SECISBP2: variants seen among roughly 807,000 people sequenced by gnomAD.
SECISBP2 encodes SECIS binding protein 2, also known as selenocysteine insertion sequence-binding protein 2.
A neutral mutation model predicts 98.2 loss-of-function variants in SECISBP2; 96 were observed. The ratio of observed to expected loss-of-function variants is 0.98; its 90% CI spans 0.83 to 1.16. The LOEUF is 1.16. SECISBP2 is among the 50% of genes most tolerant of loss of function. The pLI, the probability that SECISBP2 is intolerant of heterozygous loss-of-function variation, is 0.00. For synonymous variants in SECISBP2, 407 were observed against 370.2 expected, an observed-to-expected ratio of 1.10 and a Z score of -1.14; for missense variants, 1,046 against 1,022.9, an observed-to-expected ratio of 1.02 and a Z score of -0.31.
rs1372149193 is a variant in SECISBP2 at position 89,326,011 on chromosome 9, A to G, written c.547A>G (p.Ile183Val). 1 of 1,613,698 alleles carries G rather than the reference A, an allele frequency of 6.2e-7. No individual in the cohort carries two copies. Among genetic ancestry groups the G allele is most frequent in the African/African-American group, 1.3e-5 (1 of 75,064 alleles). The change falls in exon 4 of 17, where the codon ATT becomes GTT. Residue 183 changes from isoleucine to valine, a missense_variant. By Grantham distance (29) the Ile-to-Val change is conservative (BLOSUM62 3). Coordinates refer to ENST00000375807, the MANE Select transcript of SECISBP2 (RefSeq NM_024077.5). ...KSARGSHHLS[I>V]YAENSLKSDG... ...AGCTAGAGGTTCACATCATTTGTCCATTTACGCTGAGAATAGTTTGAAATC... is the reference window on the plus strand; with the variant it reads ...AGCTAGAGGTTCACATCATTTGTCCGTTTACGCTGAGAATAGTTTGAAATC...
intron 9 of SECISBP2, among the ~76,000 whole-genome samples, chr9:89,340,269 A>C (rs1317345505): frequency 6.6e-6 from 1 of 152,200 alleles, no homozygotes; most frequent in Non-Finnish European, 1.5e-5. Context: ...AAGTTGACTC[A>C]GTTTATTTGG....
chr9:89,364,190 C>A, downstream of SECISBP2: 1 of 748,052 alleles, frequency 1.3e-6, no homozygotes, highest in Non-Finnish European at 2.1e-6. Flanking sequence ...TTTTTCAAAG[C>A]ACACCTGTGT....
chr9:89,350,797 C>A lies in SECISBP2; in HGVS notation c.2058C>A (p.Leu686=), dbSNP rs935612955. Residue 686 remains leucine (L), a synonymous_variant, in exon 14 of 17, where the codon CTC becomes CTA. Transcript: ENST00000375807. ...GGGAGGTTCTCAAACACCTGAAGCT[C>A]AAAAAACTGAAATGTGTCATTATTT... ...GLREVLKHLK[L]KKLKCVIISP... The A allele has an allele frequency of 1.9e-6, 3 of 1,613,994 alleles. No individual in the cohort carries two copies. Among genetic ancestry groups the A allele is most frequent in the African/African-American group, 2.7e-5 (2 of 74,886 alleles).
intron 4 of SECISBP2, among the ~76,000 whole-genome samples, chr9:89,327,446 CACTT>C (rs1283186533): frequency 2.0e-5 from 3 of 152,272 alleles, no homozygotes; most frequent in South Asian, 2.1e-4. Flanking sequence ...CTTGTAATAA[CACTT>C]ACCTTTTGTA....
intron 2 of SECISBP2, among the ~76,000 whole-genome samples, chr9:89,321,773 TGAAGAG>T (rs966102215): frequency 1.3e-5 from 2 of 152,192 alleles, no homozygotes; most frequent in African/African-American, 4.8e-5. Flanking sequence ...GGCATTAAGT[TGAAGAG>T]GAAGAGTTAG....
chr9:89,328,406 A>G (rs1320231684), intron 4 of SECISBP2, among the ~76,000 whole-genome samples: 1 of 152,200 alleles, frequency 6.6e-6, no homozygotes, highest in East Asian at 1.9e-4. Flanking sequence ...GCGCGTGACT[A>G]TACATACTCC....
In SECISBP2 at chr9:89,334,217, T is replaced by C. The variant is rs115432822; in HGVS notation, c.881-305T>C. ...TTCTGTGTGCTTGCCACGTGGACAT[T>C]TATTGTGGATTGTTGTTTTTTAACT... On this transcript the variant is annotated intron_variant, in intron 6 of 16. Coordinates refer to ENST00000375807, the MANE Select transcript of SECISBP2 (RefSeq NM_024077.5). 1.7e-4 allele frequency: 199 copies of C among 1,203,376 alleles called. No individual in the cohort carries two copies. In the African/African-American group the frequency reaches 2.9e-3, roughly 17 times the overall value. 74.5% of individuals were successfully genotyped at this position (1,203,376 alleles called of 1,614,324 possible). A position where few individuals can be genotyped will look rare whatever the true frequency, so the allele number is the denominator to read the frequency against.
chr9:89,338,886 G>GTCTTTTTT (rs1554721253), intron 8 of SECISBP2, among the ~76,000 whole-genome samples: 1 of 140,748 alleles, frequency 7.1e-6, no homozygotes. Context: ...TTCTTTACCT[G>GTCTTTTTT]TTTTTTTTTT....
the SECISBP2 span, among the ~76,000 whole-genome samples, chr9:89,365,983 A>G: frequency 6.6e-6 from 1 of 152,218 alleles, no homozygotes; most frequent in Non-Finnish European, 1.5e-5. Context: ...GCTCCTCCCA[A>G]GGACTTGACC....
intron 9 of SECISBP2, 89 bp downstream of exon 9, chr9:89,340,042 T>C: frequency 3.3e-6 from 3 of 904,148 alleles, no homozygotes; most frequent in Non-Finnish European, 3.6e-6. Flanking sequence ...TCCAGACATT[T>C]CTGTATGGTG....
Position 89,350,903 on chromosome 9 carries a change from A to G in SECISBP2, c.2113+51A>G, listed in dbSNP as rs370887944. 303 of 1,478,332 alleles carry G rather than the reference A, an allele frequency of 2.0e-4. 5 individuals are homozygous for G. The South Asian group carries it at 3.1e-3, about 15-fold the overall frequency. 91.6% of individuals were successfully genotyped at this position (1,478,332 alleles called of 1,614,324 possible). On this transcript the variant is annotated intron_variant, in intron 14 of 16. Transcript: ENST00000375807. ...TATGTGGGCCCCTGCATGAGTGCCT[A>G]GTGTGCCCTCGTGTTTGCCACACAC... is the stretch of plus-strand genomic sequence containing the variant.
At chr9:89,330,968 A>T (rs1827655646) in intron 5 of SECISBP2, among the ~76,000 whole-genome samples, 1 of 152,266 alleles carries the variant, frequency 6.6e-6, no homozygotes, top group South Asian at 2.1e-4. Context: ...TGATTGCTCT[A>T]TTAAGAGAGT....
rs1831958937 is a variant in SECISBP2 at position 89,355,734 on chromosome 9, C to G, written c.2114-1677C>G. ...TTGCTTTTAAAATTCTGTATATCTC[C>G]TGGTTCCTTCATTTGTATATGTTTA... On this transcript the variant is annotated intron_variant, in intron 14 of 16. Transcript: ENST00000375807. 3 of 188,636 alleles carry G rather than the reference C, an allele frequency of 1.6e-5. No homozygotes were observed. In the South Asian group the frequency reaches 5.5e-4, roughly 35 times the overall value. The allele number at this position is 188,636 out of a possible 1,614,324, so 11.7% of individuals were successfully genotyped here. A position where few individuals can be genotyped will look rare whatever the true frequency, so the allele number is the denominator to read the frequency against.
At chr9:89,362,308 G>GT, downstream of SECISBP2, 1 of 1,608,696 alleles carries the variant, frequency 6.2e-7, no homozygotes, top group Non-Finnish European at 8.5e-7. Context: ...GTTCACAGTT[G>GT]TGGGGGACCA....
intron 14 of SECISBP2, among the ~76,000 whole-genome samples, chr9:89,352,063 G>A (rs1404810537): frequency 6.6e-6 from 1 of 152,218 alleles, no homozygotes; most frequent in Non-Finnish European, 1.5e-5. Context: ...CATGTTTTCA[G>A]TTTTAAGTAT....
At chr9:89,326,989 C>T (rs1467694604) in intron 4 of SECISBP2, among the ~76,000 whole-genome samples, 3 of 152,004 alleles carry the variant, frequency 2.0e-5, no homozygotes, top group East Asian at 3.9e-4. Context: ...GGTGAAACCC[C>T]GTCTCAACTG....
At chr9:89,362,326 T>C, downstream of SECISBP2, 3 of 1,613,472 alleles carry the variant, frequency 1.9e-6, no homozygotes, top group Middle Eastern at 1.7e-4. Context: ...CCAGGCCTTC[T>C]CCGGGGGTGG....
At chr9:89,321,656 A>ACT (rs553112676) in intron 2 of SECISBP2, among the ~76,000 whole-genome samples, 2,336 of 149,446 alleles carry the variant, frequency 0.016, 33 homozygotes, top group Middle Eastern at 0.028. Flanking sequence ...ACAGAACAAG[A>ACT]CTCTCTCTCA....
At chr9:89,324,389 A>G (rs559753393) in intron 2 of SECISBP2, 7 of 152,388 alleles carry the variant, frequency 4.6e-5, no homozygotes, top group African/African-American at 9.6e-5. Flanking sequence ...TAGAAAATCT[A>G]AGTTAACATA....
Sources: gnomAD v4.1 joint callset for allele counts (sites outside exome capture counted in the v4.1 genomes callset) on GRCh38, gnomAD v4.1.1 for gene constraint, MANE v1.5 for transcripts, NCBI Gene and HGNC (gene_info 2026-07-23, HGNC 2026-07-21) for gene names.